SRGAP3: variants seen among roughly 807,000 people sequenced by gnomAD.
The protein encoded by SRGAP3 is SLIT-ROBO Rho GTPase-activating protein 3.
SRGAP3 carries 39 observed loss-of-function variants against 121.1 expected under a neutral mutation model. The ratio of observed to expected loss-of-function variants is 0.32; its 90% confidence interval spans 0.25 to 0.42. SRGAP3 has a LOEUF of 0.42. SRGAP3 is among the 10% of genes least tolerant of loss of function. SRGAP3 has a pLI of 1.00. For synonymous variants in SRGAP3, 601 were observed against 570.0 expected (o/e 1.05, Z -0.77); for missense variants, 1,213 against 1,470.6 (o/e 0.82, Z 2.86).
chr3:9,069,728 C>T (rs1243272466), intron 4 of SRGAP3, among the ~76,000 whole-genome samples: 1 of 152,194 alleles, frequency 6.6e-6, no homozygotes, highest in Non-Finnish European at 1.5e-5. Context: ...GCGGGCAGAT[C>T]ACAAGATCAG....
intron 3 of SRGAP3, among the ~76,000 whole-genome samples, chr3:9,268,332 C>T (rs1954407259): frequency 6.6e-6 from 1 of 151,688 alleles, no homozygotes; most frequent in Non-Finnish European, 1.5e-5. Context: ...CTTTCTCTCT[C>T]TCTCTTCCCC....
intron 10 of SRGAP3, among the ~76,000 whole-genome samples, chr3:9,042,989 C>T (rs1945093616): frequency 6.6e-6 from 1 of 152,104 alleles, no homozygotes; most frequent in Non-Finnish European, 1.5e-5. Context: ...TGGCTGATGT[C>T]TTCTCATCCT....
chr3:9,361,075 G>C (rs568842757), intron 1 of SRGAP3, among the ~76,000 whole-genome samples: 16 of 152,066 alleles, frequency 1.1e-4, no homozygotes, highest in African/African-American at 3.9e-4. Flanking sequence ...CCATCTTTTG[G>C]AGAAATATCT....
At chr3:9,080,298 T>C (rs1028922174) in intron 3 of SRGAP3, among the ~76,000 whole-genome samples, 5 of 152,176 alleles carry the variant, frequency 3.3e-5, no homozygotes, top group African/African-American at 1.2e-4. Context: ...CAGATGGGAT[T>C]CCCTGATCAT....
intron 9 of SRGAP3, among the ~76,000 whole-genome samples, chr3:9,049,646 A>T (rs1173799531): frequency 6.6e-6 from 1 of 152,218 alleles, no homozygotes; most frequent in Admixed American, 6.5e-5. Context: ...GAGACTGTCA[A>T]CACGCAAATT....
intron 3 of SRGAP3, among the ~76,000 whole-genome samples, chr3:9,300,144 C>T (rs1955028015): frequency 4.6e-5 from 6 of 130,096 alleles, no homozygotes; most frequent in Admixed American, 2.3e-4. Flanking sequence ...GTGTTAGCCA[C>T]CATCGTCACC....
intron 11 of SRGAP3, chr3:9,037,030 A>G (rs1393005827): frequency 6.6e-6 from 1 of 152,090 alleles, no homozygotes; most frequent in East Asian, 1.9e-4. Context: ...GGAAACTGAA[A>G]ACCCCAGAGG....
chr3:8,983,495 CT>C lies in SRGAP3; in HGVS notation c.*2023del, dbSNP rs1354110937. The C allele has an allele frequency of 4.3e-6, 1 of 229,942 alleles. No homozygotes were observed. The highest frequency in any genetic ancestry group is 8.6e-6 in the Non-Finnish European group (1 of 116,088). The allele number at this position is 229,942 out of a possible 1,614,324, so 14.2% of individuals were successfully genotyped here. A position where few individuals can be genotyped will look rare whatever the true frequency, so the allele number is the denominator to read the frequency against. On this transcript the variant is annotated 3_prime_UTR_variant, in exon 22 of 22. Coordinates refer to ENST00000383836, the MANE Select transcript of SRGAP3 (RefSeq NM_014850.4). The stretch of plus-strand genomic sequence containing the variant: ...AGGTGCCAGTGACTTAACTAGGTCC[CT>C]CCCTTTGGGTGTATTTACCTTTTCG...
At chr3:9,061,923 A>G (rs1000260293) in intron 5 of SRGAP3, among the ~76,000 whole-genome samples, 12 of 152,220 alleles carry the variant, frequency 7.9e-5, no homozygotes, top group African/African-American at 2.7e-4. Context: ...ATTGCTGTGT[A>G]AAAAGTCAGG....
At chr3:9,356,664 C>T (rs904401578) in intron 1 of SRGAP3, among the ~76,000 whole-genome samples, 7 of 152,032 alleles carry the variant, frequency 4.6e-5, no homozygotes, top group African/African-American at 1.2e-4. Flanking sequence ...TGAGCCACCA[C>T]GCTCAGCCAA....
chr3:9,268,312 CTCTCTCTCTCTT>C (rs1466248620), intron 3 of SRGAP3, among the ~76,000 whole-genome samples: 1 of 151,864 alleles, frequency 6.6e-6, no homozygotes, highest in Non-Finnish European at 1.5e-5. Flanking sequence ...CTCTCTCTCT[CTCTCTCTCTCTT>C]TCTCTCTCTC....
Position 9,318,371 on chromosome 3 carries a change from C to T in SRGAP3, n.442+7639G>A, listed in dbSNP as rs976985922. Among the ~76,000 whole-genome samples the T allele has an allele frequency of 3.3e-5, 5 of 151,914 alleles. 1 individual carries two copies. Among genetic ancestry groups the T allele is most frequent in the Admixed American group, 3.3e-4 (5 of 15,306 alleles). ...ACAGGGCTCCACACAGAAAGCAGGG[C>T]ACAGGGCCCCTCTCTCTGGGGCTGG... On this transcript the variant is annotated intron_variant and non_coding_transcript_variant, in intron 3 of 3. Coordinates refer to the SRGAP3 transcript ENST00000490889.
At position 9,032,741 on chromosome 3, in the gene SRGAP3, A is replaced by G; in HGVS notation, c.1448T>C (p.Leu483Pro). 6.2e-7 allele frequency: 1 copy of G among 1,611,920 alleles called. No individual in the cohort carries two copies. Residue 483 changes from leucine (L) to proline (P), a missense_variant, in exon 12 of 22, where the codon CTT (leucine) becomes CCT (proline). This residue lies in a region of SRGAP3 where 793 missense variants were observed against 1,032.9 expected (regional missense o/e 0.77). Coordinates refer to ENST00000383836, the MANE Select transcript of SRGAP3 (RefSeq NM_014850.4). ...CCTCATTTTCTGTGGTTTAGGGGGA[A>G]GACAGGGGGGCCTAGGGGAAAACGG... ...AECGTTRPPC[L>P]PPKPQKMRRP...
At chr3:9,080,140 T>A in intron 3 of SRGAP3, 53 bp from the exon 4 acceptor site, 1 of 1,589,892 alleles carries the variant, frequency 6.3e-7, no homozygotes, top group Non-Finnish European at 8.6e-7. Flanking sequence ...TGGCTACATT[T>A]ACCAATCTCT....
At chr3:9,285,103 A>T (rs1954745758) in intron 3 of SRGAP3, among the ~76,000 whole-genome samples, 1 of 152,204 alleles carries the variant, frequency 6.6e-6, no homozygotes, top group African/African-American at 2.4e-5. Flanking sequence ...AGTGAAGAGG[A>T]CAAAATCCAC....
Position 9,268,296 on chromosome 3 carries a change from G to GTCTC in SRGAP3, n.442+57710_442+57713dup, listed in dbSNP as rs71626912. 6.3e-3 allele frequency among the ~76,000 whole-genome samples: 928 copies of GTCTC among 147,560 alleles called. 7 individuals are homozygous for GTCTC. The highest frequency in any genetic ancestry group is 0.02 in the African/African-American group (800 of 39,952). Reference sequence around the variant, plus strand: ...TTATAAGAAGAGACCAGAGAGAAGAGTCTCTCTCTCTCTCTCTCTCTCTCT... The same window carrying GTCTC: ...TTATAAGAAGAGACCAGAGAGAAGAGTCTCTCTCTCTCTCTCTCTCTCTCTCTCT... On this transcript the variant is annotated intron_variant and non_coding_transcript_variant, in intron 3 of 3. Coordinates refer to the SRGAP3 transcript ENST00000490889.
At chr3:9,183,648 T>A (rs1951498748) in intron 1 of SRGAP3, among the ~76,000 whole-genome samples, 1 of 152,174 alleles carries the variant, frequency 6.6e-6, no homozygotes. Context: ...ATAACAAGCA[T>A]GCATTGCTTT....
At position 9,124,854 on chromosome 3, in the gene SRGAP3, T is replaced by C; in HGVS notation, c.131A>G (p.Gln44Arg). ...AAACTCCTGGAGGTCTTGAAGCAGC[T>C]GCAGTCGCGACTCTGATTGCTGCTC... ...CLEQQSESRL[Q>R]LLQDLQEFFR... Residue 44 changes from glutamine (Q) to arginine (R), a missense_variant, in exon 2 of 22, where the codon CAG (glutamine) becomes CGG (arginine). Coordinates refer to ENST00000383836, the MANE Select transcript of SRGAP3 (RefSeq NM_014850.4). 1 of 1,614,244 alleles carries C rather than the reference T, an allele frequency of 6.2e-7. No homozygotes were observed. The highest frequency in any genetic ancestry group is 8.5e-7 in the Non-Finnish European group (1 of 1,180,048).
chr3:8,984,263 G>A lies in SRGAP3; in HGVS notation c.*1256C>T, dbSNP rs1213111325. 4.4e-6 allele frequency: 1 copy of A among 229,864 alleles called. No homozygotes were observed. The highest frequency in any genetic ancestry group is 8.6e-6 in the Non-Finnish European group (1 of 116,028). The allele number at this position is 229,864 out of a possible 1,614,324, so 14.2% of individuals were successfully genotyped here. On this transcript the variant is annotated 3_prime_UTR_variant, in exon 22 of 22. Coordinates refer to ENST00000383836, the MANE Select transcript of SRGAP3 (RefSeq NM_014850.4). ...GTCCTCTAGGACAGAAAGTGCCAAG[G>A]ACTGCCCCTCCCTGGCCCCAGTCTG...
Sources: gnomAD v4.1 joint callset for allele counts (sites outside exome capture counted in the v4.1 genomes callset) on GRCh38, gnomAD v4.1.1 for gene constraint, gnomAD v4.1.1 regional missense constraint, MANE v1.5 for transcripts, NCBI Gene and HGNC (gene_info 2026-07-23, HGNC 2026-07-21) for gene names.